COL4A5: variants seen among roughly 807,000 people sequenced by gnomAD.
COL4A5 encodes the protein collagen type IV alpha 5 chain, also known as collagen alpha-5(IV) chain.
In COL4A5, 26 loss-of-function variants were observed where a neutral mutation model predicts 130.2. The ratio of observed to expected loss-of-function variants is 0.20; its 90% CI spans 0.15 to 0.28. The LOEUF is 0.28. Among genes scored for constraint, COL4A5 ranks in the 10% least tolerant of loss-of-function variants. The pLI, the probability that COL4A5 is intolerant of heterozygous loss-of-function variation, is 1.00. For missense variants in COL4A5, 1,131 were observed against 1,344.3 expected (o/e 0.84, Z 2.48); for synonymous variants, 496 against 439.6 (o/e 1.13, Z -1.60).
intron 37 of COL4A5, 63 bp from the exon 38 acceptor site, chrX:108,665,444 G>C: frequency 1.2e-6 from 1 of 809,654 alleles, no homozygotes; most frequent in East Asian, 3.2e-5. Context: ...TTGTAAGTTT[G>C]AATTGTAGCT....
chrX:108,578,458 C>T (rs2066191384), intron 13 of COL4A5, 75 bp downstream of exon 13: 6 of 698,862 alleles, frequency 8.6e-6, no homozygotes, highest in Non-Finnish European at 1.4e-5. Flanking sequence ...GTAATCACAT[C>T]ACAATGTATA....
intron 1 of COL4A5, among the ~76,000 whole-genome samples, chrX:108,470,937 C>T (rs917900274): frequency 1.8e-5 from 2 of 111,420 alleles, no homozygotes; most frequent in African/African-American, 6.5e-5. Context: ...CTGAGTTTGT[C>T]GAAGATCAGA....
chrX:108,554,559 A>G (rs972976997), intron 2 of COL4A5, among the ~76,000 whole-genome samples: 27 of 111,744 alleles, frequency 2.4e-4, no homozygotes, highest in African/African-American at 8.8e-4. Context: ...TCACTGGTGT[A>G]TATATGTGTC....
At chrX:108,476,182 C>G (rs2064830937) in intron 1 of COL4A5, among the ~76,000 whole-genome samples, 1 of 111,862 alleles carries the variant, frequency 8.9e-6, no homozygotes, top group South Asian at 3.7e-4. Flanking sequence ...GATGGTTTTT[C>G]TTCTAATTGT....
chrX:108,523,778 A>G (rs2065287538), intron 1 of COL4A5, among the ~76,000 whole-genome samples: 1 of 111,712 alleles, frequency 9.0e-6, no homozygotes, highest in Admixed American at 9.5e-5. Context: ...TCTGTCAACA[A>G]TGATTTGTAG....
chrX:108,571,378 G>C, intron 6 of COL4A5, 35 bp from the exon 7 acceptor site: 1 of 1,051,105 alleles, frequency 9.5e-7, no homozygotes. Context: ...TTTGTTTCTT[G>C]TTCCTCCATG....
intron 1 of COL4A5, among the ~76,000 whole-genome samples, chrX:108,523,402 G>A (rs942832432): frequency 4.5e-5 from 5 of 111,714 alleles, no homozygotes; most frequent in Non-Finnish European, 9.4e-5. Flanking sequence ...ATTCACCATA[G>A]ATGTATGGGT....
At chrX:108,627,137 A>G in intron 36 of COL4A5, 3 of 674,088 alleles carry the variant, frequency 4.5e-6, no homozygotes, top group Non-Finnish European at 5.3e-6. Context: ...AATCAAGAGA[A>G]GTTTCTGTAT....
intron 8 of COL4A5, among the ~76,000 whole-genome samples, chrX:108,572,945 AT>A (rs1291259488): frequency 3.6e-5 from 4 of 111,209 alleles, no homozygotes; most frequent in Non-Finnish European, 7.6e-5. Flanking sequence ...GCATTTAGTT[AT>A]TGGGATGTGC....
chrX:108,596,548 A>G, intron 22 of COL4A5, among the ~76,000 whole-genome samples: 1 of 112,412 alleles, frequency 8.9e-6, no homozygotes, highest in Non-Finnish European at 1.9e-5. Flanking sequence ...AATGTTTCTC[A>G]TAAACCAAAT....
At chrX:108,506,113 C>A (rs1171305062) in intron 1 of COL4A5, among the ~76,000 whole-genome samples, 1 of 111,729 alleles carries the variant, frequency 9.0e-6, no homozygotes, top group Non-Finnish European at 1.9e-5. Flanking sequence ...CTCCTGAGTC[C>A]TTTAACAAGA....
At chrX:108,647,242 G>A (rs373787999) in intron 36 of COL4A5, among the ~76,000 whole-genome samples, 2 of 110,927 alleles carry the variant, frequency 1.8e-5, no homozygotes, top group African/African-American at 6.6e-5. Context: ...TTGTTTGTAT[G>A]CTCTTTTATT....
intron 21 of COL4A5, among the ~76,000 whole-genome samples, chrX:108,592,934 A>G (rs956082357): frequency 1.7e-4 from 19 of 111,180 alleles, no homozygotes; most frequent in African/African-American, 6.2e-4. Context: ...CTTTGTGTAC[A>G]TGGAATTATA....
chrX:108,448,663 T>A (rs1370096741), intron 1 of COL4A5, among the ~76,000 whole-genome samples: 1 of 112,300 alleles, frequency 8.9e-6, no homozygotes, highest in African/African-American at 3.2e-5. Flanking sequence ...TGGAAGATAG[T>A]CATGGTGGTG....
At chrX:108,660,829 T>G (rs1202867020) in intron 37 of COL4A5, among the ~76,000 whole-genome samples, 1 of 111,748 alleles carries the variant, frequency 8.9e-6, no homozygotes, top group Admixed American at 9.5e-5. Flanking sequence ...GTGTGTCACA[T>G]AACAACATTT....
chrX:108,484,589 CAGA>C (rs1364528162), intron 1 of COL4A5, among the ~76,000 whole-genome samples: 2 of 112,397 alleles, frequency 1.8e-5, no homozygotes, highest in East Asian at 2.8e-4. Context: ...GCATAAGATC[CAGA>C]AGAATTCTCT....
intron 4 of COL4A5, among the ~76,000 whole-genome samples, chrX:108,567,006 TA>T (rs1305111549): frequency 1.8e-5 from 2 of 112,082 alleles, no homozygotes; most frequent in Non-Finnish European, 3.8e-5. Context: ...TGTTCATTCC[TA>T]ATATCATAAA....
At chrX:108,562,827 G>A (rs954499922) in intron 3 of COL4A5, among the ~76,000 whole-genome samples, 1 of 111,450 alleles carries the variant, frequency 9.0e-6, no homozygotes, top group Non-Finnish European at 1.9e-5. Flanking sequence ...ATCAAATTTA[G>A]TTAATTTTGA....
At chrX:108,654,016 G>A (rs1395740235) in intron 36 of COL4A5, among the ~76,000 whole-genome samples, 2 of 112,161 alleles carry the variant, frequency 1.8e-5, no homozygotes, top group South Asian at 3.7e-4. Flanking sequence ...AGAAACATGA[G>A]TCAAAAATAG....
Sources: gnomAD v4.1 joint callset for allele counts (sites outside exome capture counted in the v4.1 genomes callset) on GRCh38, gnomAD v4.1.1 for gene constraint, MANE v1.5 for transcripts, NCBI Gene and HGNC (gene_info 2026-07-23, HGNC 2026-07-21) for gene names.